Variants in PCBP3 observed in about 807,000 individuals in gnomAD.
The protein encoded by PCBP3 is poly(rC)-binding protein 3.
Under a neutral mutation model 52.7 loss-of-function variants are expected in PCBP3, and 25 were observed. The ratio of observed to expected loss-of-function variants is 0.47; its 90% confidence interval spans 0.35 to 0.66. PCBP3 has a LOEUF of 0.66. PCBP3 is among the 30% of genes least tolerant of loss of function. The probability of loss-of-function intolerance (pLI) is 0.01; values close to 1 mark genes in which losing one functional copy is unlikely to be tolerated. For missense variants in PCBP3, 391 were observed against 490.3 expected (o/e 0.80, Z 1.91); for synonymous variants, 162 against 183.0 (o/e 0.89, Z 0.93).
chr21:45,648,819 C>T (rs964879932), intron 1 of PCBP3, among the ~76,000 whole-genome samples: 2 of 152,094 alleles, frequency 1.3e-5, no homozygotes, highest in Admixed American at 6.5e-5. Context: ...ATTGTTTGTC[C>T]ACTTATTGTC....
intron 5 of PCBP3, among the ~76,000 whole-genome samples, chr21:45,876,429 G>A (rs1386049510): frequency 2.0e-5 from 3 of 152,288 alleles, no homozygotes; most frequent in African/African-American, 4.8e-5. Flanking sequence ...TGGCTGGGCC[G>A]CTGGAGCAGG....
At chr21:45,732,859 G>A (rs1378500880) in intron 2 of PCBP3, 1 of 152,184 alleles carries the variant, frequency 6.6e-6, no homozygotes, top group Non-Finnish European at 1.5e-5. Context: ...GTCTCACTGT[G>A]TTGTCCAGGC....
In PCBP3 at chr21:45,917,496, C is replaced by T. The variant is rs1197865524; in HGVS notation, c.676-92C>T. The T allele has an allele frequency of 2.5e-5, 24 of 966,406 alleles. No individual in the cohort carries two copies. In the East Asian group the frequency reaches 3.8e-4, roughly 15 times the overall value. 59.9% of individuals were successfully genotyped at this position (966,406 alleles called of 1,614,324 possible). ...AGGCACACGAGGGGGAAGCTTCTAC[C>T]GGAGGGTCCTTGTCATGCTGGAGGG... On this transcript the variant is annotated intron_variant, in intron 12 of 17. Transcript: ENST00000681687. The surrounding 1 kb of genome is among the most constrained non-coding windows in gnomAD (Gnocchi z 5.3).
At chr21:45,780,747 G>A (rs1488214223) in intron 4 of PCBP3, among the ~76,000 whole-genome samples, 1 of 152,236 alleles carries the variant, frequency 6.6e-6, no homozygotes, top group Admixed American at 6.5e-5. Flanking sequence ...CCAGTAGGCA[G>A]TGGAAAGCCA....
At chr21:45,744,293 C>T (rs1001693893) in intron 3 of PCBP3, 1 of 152,280 alleles carries the variant, frequency 6.6e-6, no homozygotes, top group Middle Eastern at 3.4e-3. Context: ...CTCCTGGGCT[C>T]AAGCGATCCT....
intron 4 of PCBP3, among the ~76,000 whole-genome samples, chr21:45,810,786 G>A (rs967138010): frequency 6.6e-6 from 1 of 152,150 alleles, no homozygotes; most frequent in African/African-American, 2.4e-5. Context: ...ATTTGCCGGT[G>A]CCTTGAGTCT....
intron 13 of PCBP3, among the ~76,000 whole-genome samples, chr21:45,920,924 C>T (rs1179977136): frequency 6.6e-6 from 1 of 152,174 alleles, no homozygotes; most frequent in Non-Finnish European, 1.5e-5. Context: ...CAGGAGTGGA[C>T]TAAGGCGCTT....
At chr21:45,881,513 C>A (rs552465717) in intron 5 of PCBP3, among the ~76,000 whole-genome samples, 4 of 152,264 alleles carry the variant, frequency 2.6e-5, no homozygotes, top group Admixed American at 6.5e-5. Context: ...GTCTTGAACT[C>A]CTAGACTCCA....
At chr21:45,743,480 A>G (rs537137107) in intron 3 of PCBP3, among the ~76,000 whole-genome samples, 65 of 152,194 alleles carry the variant, frequency 4.3e-4, no homozygotes, top group Non-Finnish European at 9.0e-4. Context: ...AGGTGGTTGT[A>G]TGATTCCTGC....
At chr21:45,764,124 T>TC (rs1210655564) in intron 4 of PCBP3, among the ~76,000 whole-genome samples, 1 of 151,556 alleles carries the variant, frequency 6.6e-6, no homozygotes, top group African/African-American at 2.4e-5. Context: ...TTTTTCTTTT[T>TC]TTTTTTTTTG....
intron 4 of PCBP3, among the ~76,000 whole-genome samples, chr21:45,801,921 C>T (rs1174607107): frequency 6.6e-6 from 1 of 152,186 alleles, no homozygotes; most frequent in Non-Finnish European, 1.5e-5. Flanking sequence ...GCAGGTTAAT[C>T]ATGTTTGTGA....
chr21:45,937,796 G>A (rs1236123123), intron 16 of PCBP3, among the ~76,000 whole-genome samples: 1 of 152,172 alleles, frequency 6.6e-6, no homozygotes. Flanking sequence ...CCTAGGGCAG[G>A]GCAGGTGAAG....
intron 2 of PCBP3, among the ~76,000 whole-genome samples, chr21:45,716,461 C>G (rs892523648): frequency 1.3e-5 from 2 of 152,130 alleles, no homozygotes; most frequent in African/African-American, 4.8e-5. Flanking sequence ...GGTCTAAAAT[C>G]AAAGTGTTGG....
At chr21:45,816,736 T>C (rs551027188) in intron 4 of PCBP3, among the ~76,000 whole-genome samples, 1 of 145,234 alleles carries the variant, frequency 6.9e-6, no homozygotes, top group African/African-American at 2.5e-5. Flanking sequence ...GGCTGTTCTA[T>C]GTTAACTTTT....
intron 4 of PCBP3, among the ~76,000 whole-genome samples, chr21:45,773,865 G>A (rs564194404): frequency 4.6e-5 from 7 of 152,118 alleles, no homozygotes; most frequent in South Asian, 2.1e-4. Flanking sequence ...TCGTATCCAC[G>A]AACATGGGAT....
rs566395482 is a variant in PCBP3 at position 45,802,798 on chromosome 21, C to A, written c.-125-47163C>A. Among the ~76,000 whole-genome samples the A allele has an allele frequency of 6.6e-6, 1 of 152,108 alleles. No individual in the cohort carries two copies. Among genetic ancestry groups the A allele is most frequent in the South Asian group, 2.1e-4 (1 of 4,828 alleles). ...AGGAGGCAGGGATGGGAAGGGTCCC[C>A]GAGGGCCCTGAGCAGGGCTAACCCT... On this transcript the variant is annotated intron_variant, in intron 4 of 17. Coordinates refer to ENST00000681687, the MANE Select transcript of PCBP3 (RefSeq NM_001384156.1). This position sits in a 1 kb window ranked among gnomAD's most constrained non-coding sequence, Gnocchi z 5.1.
chr21:45,920,142 G>A (rs2074235500), intron 13 of PCBP3, among the ~76,000 whole-genome samples: 2 of 152,310 alleles, frequency 1.3e-5, no homozygotes, highest in South Asian at 2.1e-4. Context: ...ATGGGGTCAG[G>A]GTTTGTGTTT....
chr21:45,900,178 G>T (rs752021995), intron 7 of PCBP3, among the ~76,000 whole-genome samples: 1 of 152,078 alleles, frequency 6.6e-6, no homozygotes, highest in Non-Finnish European at 1.5e-5. Flanking sequence ...TCATTGTCCC[G>T]GCTTCCTCCC....
In PCBP3 at chr21:45,802,948, C is replaced by G. The variant is rs540093080; in HGVS notation, c.-125-47013C>G. Among the ~76,000 whole-genome samples, 23 of 152,326 alleles carry G rather than the reference C, an allele frequency of 1.5e-4. No homozygotes were observed. In the South Asian group the frequency reaches 3.9e-3, roughly 26 times the overall value. The stretch of plus-strand genomic sequence containing the variant: ...ATTTACTGTTGAATCTCTTTGAGTT[C>G]TTTTTAATGATTTTTCTTGTTTTCA... On this transcript the variant is annotated intron_variant, in intron 4 of 17. Transcript: ENST00000681687. The surrounding 1 kb of genome is among the most constrained non-coding windows in gnomAD (Gnocchi z 5.1).
Sources: allele counts gnomAD v4.1 joint callset (sites outside exome capture counted in the v4.1 genomes callset), GRCh38; gene constraint gnomAD v4.1.1; non-coding constraint Gnocchi (gnomAD v3.1); transcripts MANE v1.5; gene names NCBI Gene and HGNC (gene_info 2026-07-23, HGNC 2026-07-21).